BICC1: variants seen among roughly 807,000 people sequenced by gnomAD.
The protein encoded by BICC1 is protein bicaudal C homolog 1.
In BICC1, 43 loss-of-function variants were observed where a neutral mutation model predicts 111.0. The observed-to-expected ratio is 0.39, with a 90% CI of 0.30 to 0.50. The LOEUF is 0.50. Ranked by LOEUF, BICC1 falls within the 20% of genes least tolerant of loss-of-function variation. The pLI is 0.88. For missense variants in BICC1, 1,091 were observed against 1,203.2 expected (o/e 0.91, Z 1.38); for synonymous variants, 467 against 434.4 (o/e 1.07, Z -0.93).
intron 3 of BICC1, among the ~76,000 whole-genome samples, chr10:58,717,203 T>G (rs902122019): frequency 2.0e-5 from 3 of 152,248 alleles, no homozygotes; most frequent in Admixed American, 6.5e-5. Flanking sequence ...GAAAATTTTA[T>G]GTAACCAGTG....
At chr10:58,763,840 T>C (rs1233993491) in intron 3 of BICC1, among the ~76,000 whole-genome samples, 1 of 151,686 alleles carries the variant, frequency 6.6e-6, no homozygotes, top group Non-Finnish European at 1.5e-5. Context: ...GAAACTGGAA[T>C]TGGAAAGAAT....
chr10:58,658,979 C>T (rs1838752521), intron 2 of BICC1, among the ~76,000 whole-genome samples: 1 of 40,852 alleles, frequency 2.4e-5, no homozygotes. Flanking sequence ...CATGTATCTG[C>T]ATGTGTATGA....
intron 2 of BICC1, among the ~76,000 whole-genome samples, chr10:58,687,857 C>A (rs1040152119): frequency 1.1e-4 from 17 of 152,130 alleles, no homozygotes; most frequent in Non-Finnish European, 1.6e-4. Flanking sequence ...GTGGGCTGCA[C>A]CCACTGTCCG....
At chr10:58,598,896 G>GA (rs1844927795) in intron 1 of BICC1, among the ~76,000 whole-genome samples, 4 of 152,122 alleles carry the variant, frequency 2.6e-5, no homozygotes, top group Admixed American at 2.6e-4. Context: ...ACAGACATAT[G>GA]AAAAAATGCT....
intron 2 of BICC1, among the ~76,000 whole-genome samples, chr10:58,693,430 C>G (rs1173895411): frequency 2.6e-5 from 4 of 152,126 alleles, no homozygotes; most frequent in Non-Finnish European, 4.4e-5. Flanking sequence ...CTTGAGGAAT[C>G]GCCACACTGA....
chr10:58,784,301 G>T (rs1842953049), intron 3 of BICC1, among the ~76,000 whole-genome samples: 1 of 152,180 alleles, frequency 6.6e-6, no homozygotes, highest in Non-Finnish European at 1.5e-5. Context: ...GTACAGAAAA[G>T]ATTTGGTGAA....
In BICC1 at chr10:58,663,354, A is replaced by G. The variant is rs530279329; in HGVS notation, c.238-38720A>G. ...AGTGCTGGGGTTACAGGTGTGAATC[A>G]CCACATCCGGCCCAATTTTTAGGTT... On this transcript the variant is annotated intron_variant, in intron 2 of 20. Transcript: ENST00000373886. Among the ~76,000 whole-genome samples the G allele has an allele frequency of 6.6e-5, 10 of 152,172 alleles. No homozygotes were observed. In the East Asian group the frequency reaches 1.7e-3, roughly 26 times the overall value.
intron 1 of BICC1, among the ~76,000 whole-genome samples, chr10:58,524,621 T>C (rs1484862848): frequency 6.6e-6 from 1 of 152,108 alleles, no homozygotes; most frequent in African/African-American, 2.4e-5. Context: ...GAAGAAAACC[T>C]AGGCATTACC....
intron 3 of BICC1, among the ~76,000 whole-genome samples, chr10:58,748,339 C>T (rs551217521): frequency 6.6e-6 from 1 of 151,912 alleles, no homozygotes; most frequent in Non-Finnish European, 1.5e-5. Context: ...TAATGCTATA[C>T]TATACATTCT....
chr10:58,802,634 T>A (rs1266790809), intron 14 of BICC1, among the ~76,000 whole-genome samples: 1 of 152,242 alleles, frequency 6.6e-6, no homozygotes, highest in African/African-American at 2.4e-5. Flanking sequence ...ATCATCTACA[T>A]CCCTTCAAAT....
At chr10:58,794,974 G>A (rs1300651824) in intron 9 of BICC1, among the ~76,000 whole-genome samples, 3 of 152,142 alleles carry the variant, frequency 2.0e-5, no homozygotes, top group Non-Finnish European at 4.4e-5. Context: ...GTAGTCAATG[G>A]CAGCATTTTT....
At chr10:58,576,206 T>C (rs573337324) in intron 1 of BICC1, among the ~76,000 whole-genome samples, 9 of 152,284 alleles carry the variant, frequency 5.9e-5, no homozygotes, top group African/African-American at 2.2e-4. Context: ...CTCTGTTATA[T>C]AGAATCTGAG....
chr10:58,601,193 TAAAA>T (rs1221950120), intron 1 of BICC1, among the ~76,000 whole-genome samples: 2 of 122,878 alleles, frequency 1.6e-5, no homozygotes, highest in African/African-American at 5.9e-5. Context: ...ATTTGGAAAA[TAAAA>T]AAAATTTAAT....
At chr10:58,681,003 A>G (rs895944881) in intron 2 of BICC1, among the ~76,000 whole-genome samples, 1 of 152,214 alleles carries the variant, frequency 6.6e-6, no homozygotes, top group African/African-American at 2.4e-5. Flanking sequence ...CCTTCCTTAC[A>G]CCTTATGCAA....
intron 3 of BICC1, chr10:58,716,096 A>G: frequency 6.7e-7 from 1 of 1,493,886 alleles, no homozygotes; most frequent in South Asian, 1.2e-5. Flanking sequence ...AAAAAGAGAA[A>G]GATGTATTCT....
intron 3 of BICC1, among the ~76,000 whole-genome samples, chr10:58,732,239 G>A (rs529461927): frequency 4.3e-4 from 64 of 149,088 alleles, no homozygotes; most frequent in Admixed American, 7.4e-4. Flanking sequence ...GAATAAGGAG[G>A]CCCAAGGCGG....
intron 3 of BICC1, among the ~76,000 whole-genome samples, chr10:58,711,808 GT>G (rs57938764): frequency 5.6e-5 from 8 of 142,612 alleles, no homozygotes; most frequent in African/African-American, 1.8e-4. Context: ...TTTTTTTTTT[GT>G]TTTTTTTTTT....
chr10:58,763,928 A>G (rs1842388402), intron 3 of BICC1, among the ~76,000 whole-genome samples: 1 of 152,068 alleles, frequency 6.6e-6, no homozygotes, highest in African/African-American at 2.4e-5. Context: ...CAAAGGGATC[A>G]CTTCTAAGAG....
At chr10:58,677,166 C>T (rs997823957) in intron 2 of BICC1, among the ~76,000 whole-genome samples, 4 of 152,128 alleles carry the variant, frequency 2.6e-5, no homozygotes, top group South Asian at 2.1e-4. Flanking sequence ...CACAACTCCT[C>T]GCCAGCAAAG....
Sources: gnomAD v4.1 joint callset for allele counts (sites outside exome capture counted in the v4.1 genomes callset) on GRCh38, gnomAD v4.1.1 for gene constraint, MANE v1.5 for transcripts, NCBI Gene and HGNC (gene_info 2026-07-23, HGNC 2026-07-21) for gene names.